The following URI1 variants were observed in gnomAD, a reference collection of about 807,000 sequenced individuals.
URI1 encodes the protein URI1 prefoldin like chaperone, also known as unconventional prefoldin RPB5 interactor 1.
In URI1, 39 loss-of-function variants were observed where a neutral mutation model predicts 60.2. The ratio of observed to expected loss-of-function variants is 0.65; its 90% CI spans 0.50 to 0.85. The LOEUF is 0.85. Ranked by LOEUF, URI1 falls within the 40% of genes least tolerant of loss-of-function variation. The pLI is 0.00. For missense variants in URI1, 691 were observed against 665.9 expected, an observed-to-expected ratio of 1.04 and a Z score of -0.42; for synonymous variants, 251 against 236.8, an observed-to-expected ratio of 1.06 and a Z score of -0.55.
chr19:29,989,832 C>T (rs2055723614), intron 4 of URI1, among the ~76,000 whole-genome samples: 1 of 151,750 alleles, frequency 6.6e-6, no homozygotes, highest in Admixed American at 6.6e-5. Flanking sequence ...TATTTTCTCC[C>T]ACTTTGCATC....
At chr19:29,967,436 A>G (rs1371603064) in intron 1 of URI1, among the ~76,000 whole-genome samples, 1 of 152,228 alleles carries the variant, frequency 6.6e-6, no homozygotes, top group African/African-American at 2.4e-5. Flanking sequence ...ACACAGATAT[A>G]CTAGTAAATG....
At chr19:30,006,906 A>G (rs2055950086) in intron 6 of URI1, among the ~76,000 whole-genome samples, 2 of 152,082 alleles carry the variant, frequency 1.3e-5, no homozygotes, top group African/African-American at 2.4e-5. Flanking sequence ...AAAAGTAGAG[A>G]TGTTCATATG....
intron 1 of URI1, among the ~76,000 whole-genome samples, chr19:29,931,942 G>GTGTGTT (rs1407739523): frequency 1.3e-5 from 2 of 151,690 alleles, no homozygotes; most frequent in African/African-American, 2.4e-5. Context: ...GTGTGTGTGT[G>GTGTGTT]TGTGTTGGGT....
At chr19:29,987,232 G>C (rs2055683114) in intron 4 of URI1, among the ~76,000 whole-genome samples, 1 of 152,116 alleles carries the variant, frequency 6.6e-6, no homozygotes, top group African/African-American at 2.4e-5. Context: ...GAAAATAAAT[G>C]ATGGGAAGAT....
chr19:29,992,115 G>C (rs1165469204), intron 4 of URI1, among the ~76,000 whole-genome samples: 1 of 152,072 alleles, frequency 6.6e-6, no homozygotes, highest in Admixed American at 6.6e-5. Context: ...TATTGCCCAG[G>C]CTGGAGTGCA....
chr19:29,978,056 A>G (rs1173253533), intron 2 of URI1, among the ~76,000 whole-genome samples: 1 of 152,186 alleles, frequency 6.6e-6, no homozygotes, highest in Non-Finnish European at 1.5e-5. Context: ...GACTAAGGTC[A>G]AACTGTAAAT....
intron 1 of URI1, among the ~76,000 whole-genome samples, chr19:29,961,310 C>G (rs182483415): frequency 6.3e-5 from 9 of 142,852 alleles, no homozygotes; most frequent in Non-Finnish European, 1.2e-4. Flanking sequence ...CAATAACTCT[C>G]TATTCTTCCC....
chr19:29,999,445 A>C (rs1221400771), intron 4 of URI1, among the ~76,000 whole-genome samples: 1 of 152,130 alleles, frequency 6.6e-6, no homozygotes, highest in East Asian at 1.9e-4. Flanking sequence ...CTAAACATAG[A>C]ATTCTTGGAT....
At position 30,011,185 on chromosome 19, in the gene URI1, G is replaced by C. The variant is rs759185458; in HGVS notation, c.1127G>C (p.Gly376Ala). 6 of 1,612,144 alleles carry C rather than the reference G, an allele frequency of 3.7e-6. No homozygotes were observed. The highest frequency in any genetic ancestry group is 5.1e-6 in the Non-Finnish European group (6 of 1,179,304). ...AAACGAAAGAACAGCACTGGCAGTG[G>C]CCACTCTGCCCAGGAGCTGCCGACC... is the stretch of plus-strand genomic sequence containing the variant. ...KRKRKNSTGSGHSAQELPTIR... is the reference protein window; with the variant it reads ...KRKRKNSTGSAHSAQELPTIR... The change falls in exon 9 of 11, where the codon GGC becomes GCC. Residue 376 changes from glycine (G) to alanine (A), a missense_variant. Physicochemically the swap from Gly to Ala is moderately conservative, Grantham distance 60. Transcript: ENST00000392271.
chr19:29,978,181 C>T (rs1034147195), intron 2 of URI1, among the ~76,000 whole-genome samples: 33 of 152,138 alleles, frequency 2.2e-4, no homozygotes, highest in African/African-American at 7.7e-4. Context: ...AAGCAACCAG[C>T]TAGTTTAACG....
chr19:29,988,656 A>T (rs1472173971), intron 4 of URI1, among the ~76,000 whole-genome samples: 1 of 152,236 alleles, frequency 6.6e-6, no homozygotes, highest in East Asian at 1.9e-4. Flanking sequence ...TATCTATTAA[A>T]TGCACGTACA....
intron 1 of URI1, among the ~76,000 whole-genome samples, chr19:29,967,444 A>G (rs1290726338): frequency 6.6e-6 from 1 of 152,190 alleles, no homozygotes; most frequent in East Asian, 1.9e-4. Flanking sequence ...ATACTAGTAA[A>G]TGATGCTTGG....
At chr19:29,993,790 C>T (rs1033453577) in intron 4 of URI1, among the ~76,000 whole-genome samples, 2 of 152,110 alleles carry the variant, frequency 1.3e-5, no homozygotes, top group Non-Finnish European at 1.5e-5. Flanking sequence ...CTGGAGGCAT[C>T]GCTGTTATCA....
chr19:29,998,091 A>G (rs1032863443), intron 4 of URI1, among the ~76,000 whole-genome samples: 2 of 152,068 alleles, frequency 1.3e-5, no homozygotes, highest in East Asian at 1.9e-4. Context: ...TCTTTGACCC[A>G]TTGACAGATT....
At chr19:29,964,452 G>GTTTTTGTTTTTTTT (rs2055364763) in intron 1 of URI1, among the ~76,000 whole-genome samples, 1 of 137,260 alleles carries the variant, frequency 7.3e-6, no homozygotes, top group African/African-American at 2.8e-5. Context: ...TTTTGTTTTT[G>GTTTTTGTTTTTTTT]TTTTTTGTTT....
At chr19:29,947,153 C>G (rs1030169335) in intron 1 of URI1, among the ~76,000 whole-genome samples, 1 of 152,072 alleles carries the variant, frequency 6.6e-6, no homozygotes, top group Non-Finnish European at 1.5e-5. Flanking sequence ...AGAGCAGTAC[C>G]AGATCATTGT....
chr19:29,942,497 G>A lies in URI1; in HGVS notation c.-51G>A. 4 of 1,167,482 alleles carry A rather than the reference G, an allele frequency of 3.4e-6. No individual in the cohort carries two copies. Among genetic ancestry groups the A allele is most frequent in the African/African-American group, 1.6e-5 (1 of 61,694 alleles). The allele number at this position is 1,167,482 out of a possible 1,614,324, so 72.3% of individuals were successfully genotyped here. On this transcript the variant is annotated 5_prime_UTR_variant, in exon 1 of 11. Coordinates refer to ENST00000392271, the MANE Select transcript of URI1 (RefSeq NM_003796.3). ...GGCAACTGCCGGCCGCGCCGCCTGC[G>A]CAGGCGCTGGTTCAGGACTCACACG... is the stretch of plus-strand genomic sequence containing the variant.
Position 29,964,217 on chromosome 19 carries a change from G to C in URI1, c.118-6976G>C, listed in dbSNP as rs541268049. Among the ~76,000 whole-genome samples the C allele has an allele frequency of 2.0e-4, 30 of 152,154 alleles. No homozygotes were observed. The South Asian group carries it at 6.0e-3, about 30-fold the overall frequency. The stretch of plus-strand genomic sequence containing the variant: ...ACAGTTCTCCCCTCTCTGAATCCTT[G>C]GTCCCTCTTGTCCTCACTGCTTTGG... On this transcript the variant is annotated intron_variant, in intron 1 of 10. Coordinates refer to ENST00000392271, the MANE Select transcript of URI1 (RefSeq NM_003796.3).
intron 1 of URI1, among the ~76,000 whole-genome samples, chr19:29,927,278 T>TG (rs1568399370): frequency 1.3e-5 from 2 of 150,274 alleles, no homozygotes; most frequent in Admixed American, 6.6e-5. Context: ...TTTTTTTTTT[T>TG]TCTGAAATGG....
Sources: gnomAD v4.1 joint callset for allele counts (sites outside exome capture counted in the v4.1 genomes callset) on GRCh38, gnomAD v4.1.1 for gene constraint, MANE v1.5 for transcripts, NCBI Gene and HGNC (gene_info 2026-07-23, HGNC 2026-07-21) for gene names.